Variants in CCDC60 observed in about 807,000 individuals in gnomAD.
CCDC60 encodes coiled-coil domain containing 60.
CCDC60 carries 54 observed loss-of-function variants against 63.5 expected under a neutral mutation model. The ratio of observed to expected loss-of-function variants is 0.85; its 90% CI spans 0.68 to 1.07. CCDC60 has a LOEUF of 1.07. Among genes scored for constraint, CCDC60 ranks in the 50% least tolerant of loss-of-function variants. The probability of loss-of-function intolerance (pLI) is 0.00; values close to 1 mark genes in which losing one functional copy is unlikely to be tolerated. For synonymous variants in CCDC60, 206 were observed against 238.8 expected, an observed-to-expected ratio of 0.86 and a Z score of 1.27; for missense variants, 651 against 684.3, an observed-to-expected ratio of 0.95 and a Z score of 0.54.
At chr12:119,445,089 C>G (rs894322353) in intron 2 of CCDC60, among the ~76,000 whole-genome samples, 1 of 151,940 alleles carries the variant, frequency 6.6e-6, no homozygotes, top group Non-Finnish European at 1.5e-5. Context: ...AAAAATATAC[C>G]CGAACTTTAT....
At chr12:119,432,135 TAC>T (rs34664199) in intron 2 of CCDC60, among the ~76,000 whole-genome samples, 16,263 of 152,242 alleles carry the variant, frequency 0.11, 1,224 homozygotes, top group East Asian at 0.29. Context: ...CAGTTTCATC[TAC>T]AGTGTTTGAA....
chr12:119,341,270 G>A (rs1045586836), intron 1 of CCDC60, among the ~76,000 whole-genome samples: 2 of 148,062 alleles, frequency 1.4e-5, no homozygotes, highest in South Asian at 2.3e-4. Flanking sequence ...CGAGAAGAGC[G>A]ATCGGCACTC....
At chr12:119,478,603 CTT>C (rs35215523) in intron 3 of CCDC60, among the ~76,000 whole-genome samples, 1,496 of 87,030 alleles carry the variant, frequency 0.017, 6 homozygotes, top group African/African-American at 0.063. Flanking sequence ...AAGGCAGGGA[CTT>C]TTTTTTTTTT....
intron 2 of CCDC60, among the ~76,000 whole-genome samples, chr12:119,457,629 A>T (rs547636673): frequency 2.0e-5 from 3 of 152,338 alleles, no homozygotes; most frequent in Non-Finnish European, 2.9e-5. Flanking sequence ...TCCTATAAAG[A>T]AGAGTGAAAT....
intron 1 of CCDC60, among the ~76,000 whole-genome samples, chr12:119,379,817 A>AAGTAAGC (rs1455982928): frequency 6.6e-6 from 1 of 152,210 alleles, no homozygotes; most frequent in Non-Finnish European, 1.5e-5. Flanking sequence ...CTTAAAAGTT[A>AAGTAAGC]AGTAAGCAGA....
intron 2 of CCDC60, among the ~76,000 whole-genome samples, chr12:119,444,676 A>G (rs1253481802): frequency 6.6e-6 from 1 of 152,202 alleles, no homozygotes; most frequent in Non-Finnish European, 1.5e-5. Flanking sequence ...AGGTCCTCCA[A>G]GGTCTTAGAG....
intron 2 of CCDC60, among the ~76,000 whole-genome samples, chr12:119,444,731 T>A (rs952395008): frequency 3.8e-4 from 58 of 152,302 alleles, no homozygotes; most frequent in African/African-American, 1.4e-3. Flanking sequence ...ATCCACACCA[T>A]CATCGCTCTC....
At chr12:119,337,093 G>A (rs886195352) in intron 1 of CCDC60, among the ~76,000 whole-genome samples, 2 of 152,192 alleles carry the variant, frequency 1.3e-5, no homozygotes, top group Non-Finnish European at 2.9e-5. Context: ...GGTCCAAAAT[G>A]TTCCCAAGCT....
chr12:119,341,582 T>C (rs932497582), intron 1 of CCDC60, among the ~76,000 whole-genome samples: 6 of 152,240 alleles, frequency 3.9e-5, no homozygotes, highest in African/African-American at 1.4e-4. Context: ...CTGAGCACGA[T>C]ACCCAGTTAG....
At chr12:119,345,983 T>A (rs1467334398) in intron 1 of CCDC60, among the ~76,000 whole-genome samples, 1 of 122,586 alleles carries the variant, frequency 8.2e-6, no homozygotes, top group Non-Finnish European at 1.8e-5. Flanking sequence ...ACCCAGCTGA[T>A]TTTTTTTTTT....
In CCDC60 at chr12:119,530,270, T is replaced by G. The variant is rs1430928189; in HGVS notation, c.1362-604T>G. On this transcript the variant is annotated intron_variant, in intron 12 of 13. Coordinates refer to ENST00000327554, the MANE Select transcript of CCDC60 (RefSeq NM_178499.5). ...ATATATAGCAAGGGGTGAGGGAGTT[T>G]TTTTTTTTTTAAGAGATCTACCAGC... 2.6e-5 allele frequency among the ~76,000 whole-genome samples: 4 copies of G among 151,060 alleles called. No individual in the cohort carries two copies. In the East Asian group the frequency reaches 7.7e-4, roughly 29 times the overall value.
intron 1 of CCDC60, among the ~76,000 whole-genome samples, chr12:119,416,583 A>G (rs1019236726): frequency 5.9e-5 from 9 of 152,142 alleles, no homozygotes; most frequent in South Asian, 2.1e-4. Flanking sequence ...TAGGAAGGGG[A>G]AAAAAATCCC....
intron 2 of CCDC60, among the ~76,000 whole-genome samples, chr12:119,471,291 T>A (rs576843441): frequency 1.1e-4 from 17 of 152,352 alleles, no homozygotes; most frequent in African/African-American, 4.1e-4. Context: ...CACACATTAG[T>A]ACTTGAACTT....
intron 2 of CCDC60, among the ~76,000 whole-genome samples, chr12:119,442,219 C>A (rs1950461066): frequency 6.6e-6 from 1 of 152,182 alleles, no homozygotes; most frequent in African/African-American, 2.4e-5. Flanking sequence ...AGATTATGAG[C>A]ATCTTTCACA....
At chr12:119,444,266 G>A (rs2136268002) in intron 2 of CCDC60, among the ~76,000 whole-genome samples, 1 of 152,346 alleles carries the variant, frequency 6.6e-6, no homozygotes, top group Admixed American at 6.5e-5. Context: ...GTCACAGTAC[G>A]TGTTGGCTCT....
intron 1 of CCDC60, among the ~76,000 whole-genome samples, chr12:119,411,476 C>A (rs953416287): frequency 3.3e-5 from 5 of 152,102 alleles, no homozygotes; most frequent in Non-Finnish European, 7.4e-5. Context: ...CACTGGACTC[C>A]AGCCTGGGCA....
chr12:119,437,596 T>TTAAG (rs1306988869), intron 2 of CCDC60, among the ~76,000 whole-genome samples: 4 of 152,140 alleles, frequency 2.6e-5, no homozygotes, highest in African/African-American at 7.2e-5. Flanking sequence ...TTAAGTGAAT[T>TTAAG]TAAGTAGTTG....
intron 1 of CCDC60, among the ~76,000 whole-genome samples, chr12:119,346,452 G>C (rs1393971259): frequency 6.6e-6 from 1 of 152,158 alleles, no homozygotes; most frequent in Admixed American, 6.6e-5. Flanking sequence ...CCAGAACCAA[G>C]TAACTACAGA....
In CCDC60 at chr12:119,528,693, G is replaced by A. The variant is rs779639223; in HGVS notation, c.1308G>A (p.Met436Ile). The change falls in exon 12 of 14, where the codon ATG (methionine) becomes ATA (isoleucine). Residue 436 changes from methionine (M) to isoleucine (I), a missense_variant. Met to Ile is a conservative substitution (Grantham distance 10, BLOSUM62 1). Transcript: ENST00000327554. Reference protein sequence around the residue: ...VSNFQKDIAKMRHHISVVKGD... With the variant: ...VSNFQKDIAKIRHHISVVKGD... ...ATTTTCAAAAGGACATAGCAAAAAT[G>A]AGACATCACATATCTGTAGTAAAAG... The A allele has an allele frequency of 1.2e-5, 19 of 1,614,022 alleles. No individual in the cohort carries two copies. The South Asian group carries it at 1.6e-4, about 14-fold the overall frequency.
Sources: gnomAD v4.1 joint callset for allele counts (sites outside exome capture counted in the v4.1 genomes callset) on GRCh38, gnomAD v4.1.1 for gene constraint, MANE v1.5 for transcripts, NCBI Gene and HGNC (gene_info 2026-07-23, HGNC 2026-07-21) for gene names.